Variants in NCKAP1 observed in about 807,000 individuals in gnomAD.
NCKAP1 encodes nck-associated protein 1.
In NCKAP1, 21 loss-of-function variants were observed where a neutral mutation model predicts 151.2. That is an observed-to-expected ratio of 0.14 (90% CI 0.10 to 0.20). The LOEUF (loss-of-function observed/expected upper bound fraction) is 0.20. Among genes scored for constraint, NCKAP1 ranks in the 10% least tolerant of loss-of-function variants. The pLI, the probability that NCKAP1 is intolerant of heterozygous loss-of-function variation, is 1.00. For missense variants in NCKAP1, 933 were observed against 1,352.1 expected (o/e 0.69, Z 4.86); for synonymous variants, 484 against 451.8 (o/e 1.07, Z -0.90).
At chr2:182,998,934 T>A (rs1045558452) in intron 6 of NCKAP1, among the ~76,000 whole-genome samples, 3 of 147,836 alleles carry the variant, frequency 2.0e-5, no homozygotes, top group Non-Finnish European at 4.5e-5. Context: ...AATACACCTA[T>A]ACACCTAACC....
At chr2:182,965,750 T>C (rs1697557142) in intron 16 of NCKAP1, among the ~76,000 whole-genome samples, 5 of 152,308 alleles carry the variant, frequency 3.3e-5, no homozygotes, top group Admixed American at 3.3e-4. Flanking sequence ...ACTTTCTAAT[T>C]GTTGTATTCT....
intron 16 of NCKAP1, 137 bp from the exon 17 acceptor site, chr2:182,964,945 A>G (rs772848948): frequency 1.5e-4 from 86 of 565,242 alleles, no homozygotes; most frequent in Non-Finnish European, 2.1e-4. Context: ...TTTTTCCCCC[A>G]AAGTATCTTT....
rs758896339 is a variant in NCKAP1, at chr2:182,983,387, G to A, written c.1005-5C>T. Reference sequence around the variant, plus strand: ...CTTTCTCTGTGCATTGAACCACTATGGGGAAAGACACCATAATAGTTTATC... The same window carrying A: ...CTTTCTCTGTGCATTGAACCACTATAGGGAAAGACACCATAATAGTTTATC... On this transcript the variant is annotated splice_region_variant and splice_polypyrimidine_tract_variant and intron_variant, in intron 10 of 30. Coordinates refer to ENST00000361354, the MANE Select transcript of NCKAP1 (RefSeq NM_013436.5). The A allele has an allele frequency of 9.5e-6, 15 of 1,581,738 alleles. No homozygotes were observed. The highest frequency in any genetic ancestry group is 2.7e-5 in the African/African-American group (2 of 73,760).
intron 17 of NCKAP1, among the ~76,000 whole-genome samples, chr2:182,962,825 A>C (rs1164591086): frequency 6.7e-6 from 1 of 149,384 alleles, no homozygotes; most frequent in Non-Finnish European, 1.5e-5. Context: ...CCCAGGAAGA[A>C]AAAAAAAAAA....
At chr2:182,976,847 T>C in intron 15 of NCKAP1, 46 bp downstream of exon 15, 1 of 1,265,104 alleles carries the variant, frequency 7.9e-7, no homozygotes, top group Non-Finnish European at 1.1e-6. Flanking sequence ...ATTTTTCATG[T>C]TAACTAAAAT....
At chr2:182,969,391 T>C (rs532175296) in intron 15 of NCKAP1, among the ~76,000 whole-genome samples, 2 of 150,272 alleles carry the variant, frequency 1.3e-5, no homozygotes, top group South Asian at 2.1e-4. Context: ...ACATTAAAAA[T>C]AGAAACACGA....
intron 24 of NCKAP1, among the ~76,000 whole-genome samples, chr2:182,940,694 C>T (rs551361666): frequency 1.9e-4 from 29 of 152,350 alleles, no homozygotes; most frequent in South Asian, 1.2e-3. Flanking sequence ...CCTGCCTTGG[C>T]TCCCAATGTG....
intron 23 of NCKAP1, among the ~76,000 whole-genome samples, chr2:182,951,611 T>C (rs1697217127): frequency 8.3e-6 from 1 of 120,610 alleles, no homozygotes; most frequent in African/African-American, 2.9e-5. Flanking sequence ...TACTGCAGCC[T>C]GGGCAACACA....
chr2:183,009,475 G>GAAGGAAGGAAGGAAGCAAGCAAGC (rs1485338665), intron 2 of NCKAP1, among the ~76,000 whole-genome samples: 1 of 100,226 alleles, frequency 1.0e-5, no homozygotes, highest in African/African-American at 4.1e-5. Context: ...AGGAAGGAAG[G>GAAGGAAGGAAGGAAGCAAGCAAGC]AAGCAAGCAA....
intron 12 of NCKAP1, 34 bp from the exon 13 acceptor site, chr2:182,981,410 A>C: frequency 2.0e-6 from 3 of 1,480,226 alleles, no homozygotes; most frequent in Non-Finnish European, 1.9e-6. Flanking sequence ...TATTCAAATA[A>C]TAAATTCATC....
At chr2:182,951,552 C>A (rs1044637406) in intron 23 of NCKAP1, among the ~76,000 whole-genome samples, 1 of 149,454 alleles carries the variant, frequency 6.7e-6, no homozygotes, top group Non-Finnish European at 1.5e-5. Context: ...GCCTGTAGTC[C>A]CAGCTACTTC....
At chr2:182,970,749 T>C (rs1697670274) in intron 15 of NCKAP1, among the ~76,000 whole-genome samples, 1 of 152,186 alleles carries the variant, frequency 6.6e-6, no homozygotes, top group Admixed American at 6.5e-5. Flanking sequence ...AACACAGGAC[T>C]GGAAGTCCTG....
intron 17 of NCKAP1, among the ~76,000 whole-genome samples, chr2:182,963,953 A>C (rs1403512258): frequency 2.0e-5 from 3 of 152,164 alleles, no homozygotes; most frequent in Non-Finnish European, 2.9e-5. Context: ...TCTAATGCTT[A>C]AAGAAACTGA....
chr2:183,033,240 A>C (rs1044828419), intron 1 of NCKAP1, among the ~76,000 whole-genome samples: 10 of 152,254 alleles, frequency 6.6e-5, no homozygotes, highest in Admixed American at 6.5e-4. Flanking sequence ...TGTGCCAACA[A>C]GAAGTCAACA....
chr2:182,950,083 G>A (rs915945369), intron 23 of NCKAP1, among the ~76,000 whole-genome samples: 1 of 152,136 alleles, frequency 6.6e-6, no homozygotes, highest in East Asian at 1.9e-4. Flanking sequence ...GTCACGAACA[G>A]GCAAGTTATG....
At chr2:182,957,303 T>G in intron 19 of NCKAP1, 154 bp downstream of exon 19, 3 of 792,118 alleles carry the variant, frequency 3.8e-6, no homozygotes, top group Non-Finnish European at 5.4e-6. Context: ...AATAAGCAAC[T>G]AACAGGTTAA....
intron 7 of NCKAP1, among the ~76,000 whole-genome samples, 187 bp from the exon 8 acceptor site, chr2:182,995,074 C>T (rs560456446): frequency 4.9e-4 from 74 of 152,252 alleles, no homozygotes; most frequent in Admixed American, 9.1e-4. Flanking sequence ...CAATAAACAA[C>T]GAGAGGTGTG....
intron 27 of NCKAP1, 70 bp from the exon 28 acceptor site, chr2:182,928,969 C>A: frequency 2.1e-6 from 2 of 960,798 alleles, no homozygotes; most frequent in Non-Finnish European, 1.5e-6. Context: ...ATAATCTAAA[C>A]TAAACAGATT....
chr2:182,997,548 T>C (rs1698294233), intron 6 of NCKAP1, among the ~76,000 whole-genome samples: 1 of 152,238 alleles, frequency 6.6e-6, no homozygotes, highest in Non-Finnish European at 1.5e-5. Context: ...TTGTGTGGAT[T>C]TGAGAATTCC....
Sources: allele counts gnomAD v4.1 joint callset (sites outside exome capture counted in the v4.1 genomes callset), GRCh38; gene constraint gnomAD v4.1.1; transcripts MANE v1.5; gene names NCBI Gene and HGNC (gene_info 2026-07-23, HGNC 2026-07-21).